The following CEP128 variants were observed in gnomAD, a reference collection of about 807,000 sequenced individuals.
The protein encoded by CEP128 is centrosomal protein 128kDa.
A neutral mutation model predicts 156.7 loss-of-function variants in CEP128; 132 were observed. That is an observed-to-expected ratio of 0.84 (90% CI 0.73 to 0.97). The LOEUF is 0.97. CEP128 is among the 50% of genes least tolerant of loss of function. The pLI is 0.00. For synonymous variants in CEP128, 469 were observed against 448.9 expected (o/e 1.04, Z -0.57); for missense variants, 1,252 against 1,281.9 (o/e 0.98, Z 0.36).
intron 19 of CEP128, among the ~76,000 whole-genome samples, chr14:80,663,350 G>A (rs181143962): frequency 2.0e-5 from 3 of 152,206 alleles, no homozygotes; most frequent in East Asian, 1.9e-4. Flanking sequence ...TGATGTCAAC[G>A]GGACCAGGCA....
intron 20 of CEP128, 36 bp downstream of exon 20, chr14:80,580,338 T>G: frequency 7.0e-7 from 1 of 1,420,956 alleles, no homozygotes; most frequent in Non-Finnish European, 9.9e-7. Context: ...ACAAATGTTT[T>G]CATACCAAGC....
intron 19 of CEP128, among the ~76,000 whole-genome samples, chr14:80,707,344 G>A (rs80160822): frequency 0.025 from 3,801 of 152,198 alleles, 83 homozygotes; most frequent in African/African-American, 0.051. Context: ...TTTATCTGCT[G>A]GATATCCCAC....
rs1436569193 is a variant in CEP128 at position 80,496,856 on chromosome 14, T to G, written c.*623A>C. Reference sequence around the variant, plus strand: ...TTTACAGTGCTCTACAGTTCAGATATCATTTATGAATTCTTTATTGCTATT... The same window carrying G: ...TTTACAGTGCTCTACAGTTCAGATAGCATTTATGAATTCTTTATTGCTATT... On this transcript the variant is annotated 3_prime_UTR_variant, in exon 25 of 25. Transcript: ENST00000555265. 1 of 152,302 alleles carries G rather than the reference T, an allele frequency of 6.6e-6. No homozygotes were observed. The highest frequency in any genetic ancestry group is 1.5e-5 in the Non-Finnish European group (1 of 68,142). 9.4% of individuals were successfully genotyped at this position (152,302 alleles called of 1,614,324 possible).
chr14:80,699,157 G>GTGTA (rs1896985689), intron 19 of CEP128, among the ~76,000 whole-genome samples: 1 of 152,168 alleles, frequency 6.6e-6, no homozygotes, highest in Non-Finnish European at 1.5e-5. Flanking sequence ...TCAGTACAAT[G>GTGTA]CCTTAGGGAT....
In CEP128 at chr14:80,862,786, G is replaced by T. The variant is rs141946009; in HGVS notation, c.733C>A (p.Leu245Met). 2.2e-5 allele frequency: 35 copies of T among 1,613,502 alleles called. No homozygotes were observed. The highest frequency in any genetic ancestry group is 5.0e-5 in the Admixed American group (3 of 59,994). Residue 245 changes from leucine to methionine, a missense_variant, in exon 9 of 25, where the codon CTG becomes ATG. By Grantham distance (15) the Leu-to-Met change is conservative. Transcript: ENST00000555265. ...TGTAGCTGCAGGGACATGAGTCCCA[G>T]TTGATCCTGGCGTCTTTCCACCAGC... ...RELVERRQDQ[L>M]GLMSLQLQEA...
intron 14 of CEP128, among the ~76,000 whole-genome samples, chr14:80,479,124 A>C (rs1003456001): frequency 6.6e-6 from 1 of 152,218 alleles, no homozygotes; most frequent in African/African-American, 2.4e-5. Flanking sequence ...AGAAATAAGA[A>C]AAATGAAGCT....
At chr14:80,621,799 T>C (rs570399500) in intron 19 of CEP128, among the ~76,000 whole-genome samples, 1 of 152,324 alleles carries the variant, frequency 6.6e-6, no homozygotes, top group African/African-American at 2.4e-5. Flanking sequence ...GGGTTTCTTG[T>C]TTCTTTTTCC....
chr14:80,504,512 T>C (rs1241441202), intron 24 of CEP128, among the ~76,000 whole-genome samples: 1 of 152,240 alleles, frequency 6.6e-6, no homozygotes, highest in Non-Finnish European at 1.5e-5. Flanking sequence ...GCAGTAATAG[T>C]ATTCTTACTC....
At chr14:80,630,708 G>T (rs1288266082) in intron 19 of CEP128, among the ~76,000 whole-genome samples, 1 of 151,922 alleles carries the variant, frequency 6.6e-6, no homozygotes, top group Non-Finnish European at 1.5e-5. Flanking sequence ...TGTTTTCAGG[G>T]CAGAACCTCT....
At chr14:80,935,223 G>A (rs1727795086) in intron 2 of CEP128, among the ~76,000 whole-genome samples, 1 of 152,042 alleles carries the variant, frequency 6.6e-6, no homozygotes, top group Admixed American at 6.6e-5. Flanking sequence ...ATGAGTAAAG[G>A]TACTCTTCCC....
At chr14:80,911,706 AT>A (rs1884225476) in intron 4 of CEP128, among the ~76,000 whole-genome samples, 1 of 152,188 alleles carries the variant, frequency 6.6e-6, no homozygotes, top group African/African-American at 2.4e-5. Flanking sequence ...TCTATGTAAA[AT>A]AATTAGAACA....
chr14:80,848,888 C>A (rs956710604), intron 9 of CEP128, among the ~76,000 whole-genome samples: 3 of 151,716 alleles, frequency 2.0e-5, no homozygotes, highest in Admixed American at 1.3e-4. Flanking sequence ...TGCCACTGCA[C>A]TCTAGCCTGG....
chr14:80,876,067 A>G (rs1424277363), intron 8 of CEP128, among the ~76,000 whole-genome samples: 2 of 152,108 alleles, frequency 1.3e-5, no homozygotes, highest in Non-Finnish European at 2.9e-5. Flanking sequence ...TAAGAGACAA[A>G]GGGGATGAAG....
chr14:80,637,474 A>C (rs1458017847), intron 19 of CEP128, among the ~76,000 whole-genome samples: 1 of 152,186 alleles, frequency 6.6e-6, no homozygotes, highest in Non-Finnish European at 1.5e-5. Context: ...CTCATTTATA[A>C]ATTCTATAAA....
intron 19 of CEP128, among the ~76,000 whole-genome samples, chr14:80,677,893 G>A (rs1896130232): frequency 6.6e-6 from 1 of 151,878 alleles, no homozygotes; most frequent in Non-Finnish European, 1.5e-5. Context: ...ATGTTTAAGA[G>A]ACATCTTTCA....
At chr14:80,653,820 A>G (rs1895017033) in intron 19 of CEP128, among the ~76,000 whole-genome samples, 1 of 152,172 alleles carries the variant, frequency 6.6e-6, no homozygotes, top group African/African-American at 2.4e-5. Context: ...GGATCATTAT[A>G]TCAATTTAGT....
chr14:80,685,394 A>G (rs771761497), intron 19 of CEP128, among the ~76,000 whole-genome samples: 2 of 152,068 alleles, frequency 1.3e-5, no homozygotes, highest in Non-Finnish European at 2.9e-5. Flanking sequence ...CCGAAGAAGT[A>G]AAATATTTCC....
chr14:80,604,920 G>A (rs1173283498), intron 19 of CEP128, among the ~76,000 whole-genome samples: 1 of 151,842 alleles, frequency 6.6e-6, no homozygotes, highest in Non-Finnish European at 1.5e-5. Flanking sequence ...TGACAATTAG[G>A]ACAAAAAAGA....
intron 19 of CEP128, among the ~76,000 whole-genome samples, chr14:80,663,982 A>C (rs527960135): frequency 6.6e-6 from 1 of 152,342 alleles, no homozygotes; most frequent in South Asian, 2.1e-4. Context: ...CTACAATTCC[A>C]AAATTCTCAG....
Sources: allele counts gnomAD v4.1 joint callset (sites outside exome capture counted in the v4.1 genomes callset), GRCh38; gene constraint gnomAD v4.1.1; transcripts MANE v1.5; gene names NCBI Gene and HGNC (gene_info 2026-07-23, HGNC 2026-07-21).